Variants in MAP4 observed in about 807,000 individuals in gnomAD.
MAP4 encodes the protein microtubule-associated protein 4.
Under a neutral mutation model 170.2 loss-of-function variants are expected in MAP4, and 76 were observed. That is an observed-to-expected ratio of 0.45 (90% CI 0.37 to 0.54). The LOEUF (loss-of-function observed/expected upper bound fraction) is 0.54, where lower values mean the gene tolerates loss of function less well. Ranked by LOEUF, MAP4 falls within the 20% of genes least tolerant of loss-of-function variation. MAP4 has a pLI of 0.00. For synonymous variants in MAP4, 909 were observed against 994.5 expected (o/e 0.91, Z 1.62); for missense variants, 2,506 against 2,748.0 (o/e 0.91, Z 1.97).
At chr3:47,862,786 A>G (rs937715514) in intron 17 of MAP4, among the ~76,000 whole-genome samples, 1 of 152,062 alleles carries the variant, frequency 6.6e-6, no homozygotes, top group African/African-American at 2.4e-5. Flanking sequence ...TATATGCTGA[A>G]GTATTAACAA....
Position 47,871,115 on chromosome 3 carries a change from A to T in MAP4, c.6002-10T>A, listed in dbSNP as rs1376763351. 6.2e-7 allele frequency: 1 copy of T among 1,606,552 alleles called. No individual in the cohort carries two copies. The highest frequency in any genetic ancestry group is 8.5e-7 in the Non-Finnish European group (1 of 1,174,352). ...GGGCGACTCAAGTCAGCTGCAAAGA[A>T]GGGAGTGAGAGATAACACGGGTTCA... is the stretch of plus-strand genomic sequence containing the variant. On this transcript the variant is annotated splice_polypyrimidine_tract_variant and intron_variant, in intron 14 of 20. Transcript: ENST00000683076.
chr3:47,900,277 GA>G (rs1362488487), intron 10 of MAP4, among the ~76,000 whole-genome samples: 1 of 152,036 alleles, frequency 6.6e-6, no homozygotes, highest in African/African-American at 2.4e-5. Flanking sequence ...AACTATTTCA[GA>G]AACCATATTC....
rs535553536 is a variant in MAP4 at position 47,859,616 on chromosome 3, A to T, written c.6502-2104T>A. On this transcript the variant is annotated intron_variant, in intron 17 of 20. Coordinates refer to ENST00000683076, the MANE Select transcript of MAP4 (RefSeq NM_001385682.1). Reference sequence around the variant, plus strand: ...ACGGCCTCACATAGCTCTCGCTTCAATCCGTCTCTTTCTCATATCATCTCT... The same window carrying T: ...ACGGCCTCACATAGCTCTCGCTTCATTCCGTCTCTTTCTCATATCATCTCT... Among the ~76,000 whole-genome samples the T allele has an allele frequency of 2.6e-5, 4 of 152,264 alleles. No homozygotes were observed. The East Asian group carries it at 7.7e-4, about 29-fold the overall frequency.
chr3:47,949,461 G>A (rs1446691250), intron 3 of MAP4, among the ~76,000 whole-genome samples: 9 of 105,004 alleles, frequency 8.6e-5, no homozygotes, highest in African/African-American at 1.1e-4. Flanking sequence ...GCAAGACTGC[G>A]TCCCAAAAAA....
At chr3:48,066,788 C>CCTCTTTAT (rs2100138444) in intron 1 of MAP4, among the ~76,000 whole-genome samples, 1 of 149,486 alleles carries the variant, frequency 6.7e-6, no homozygotes. Flanking sequence ...GCTGTCCCCA[C>CCTCTTTAT]CTCTTTATTC....
intron 1 of MAP4, among the ~76,000 whole-genome samples, chr3:48,083,364 TATAA>T (rs2154571350): frequency 6.6e-6 from 1 of 152,282 alleles, no homozygotes; most frequent in South Asian, 2.1e-4. Flanking sequence ...TGAGGAAAGT[TATAA>T]ATAAAAAAAT....
intron 10 of MAP4, among the ~76,000 whole-genome samples, chr3:47,890,174 G>A (rs949321763): frequency 3.9e-5 from 6 of 151,958 alleles, no homozygotes; most frequent in East Asian, 1.9e-4. Flanking sequence ...AACTGGACTC[G>A]GAGAAACACA....
chr3:47,975,181 T>G (rs538145826), intron 3 of MAP4: 1 of 1,222,220 alleles, frequency 8.2e-7, no homozygotes, highest in East Asian at 3.3e-5. Context: ...AGATAACCTT[T>G]GTAAAAATTA....
At chr3:48,088,264 A>G (rs1186645948) in intron 1 of MAP4, among the ~76,000 whole-genome samples, 1 of 151,240 alleles carries the variant, frequency 6.6e-6, no homozygotes, top group East Asian at 2.0e-4. Flanking sequence ...GCAAGGGGGA[A>G]GAGCCCCGCC....
At chr3:48,052,706 A>G (rs753625977) in intron 1 of MAP4, among the ~76,000 whole-genome samples, 29 of 152,336 alleles carry the variant, frequency 1.9e-4, no homozygotes, top group Admixed American at 5.9e-4. Context: ...AATTAGAATC[A>G]AAAGCAGAAA....
At position 47,877,443 on chromosome 3, in the gene MAP4, G is replaced by A. The variant is rs1373068868; in HGVS notation, c.5515C>T (p.Pro1839Ser). ...DITTPPNKEL[P>S]PSPEKKTKPL... ...TTTGTTTTCTTCTCTGGGCTTGGTG[G>A]GAGCTCCTTGTTCGGTGGGGTGGTG... The change falls in exon 11 of 21, where the codon CCA becomes TCA. Residue 1839 changes from proline to serine, a missense_variant. Coordinates refer to ENST00000683076, the MANE Select transcript of MAP4 (RefSeq NM_001385682.1). The A allele has an allele frequency of 6.2e-7, 1 of 1,613,944 alleles. No homozygotes were observed. Among genetic ancestry groups the A allele is most frequent in the Admixed American group, 1.7e-5 (1 of 59,996 alleles).
intron 10 of MAP4, 95 bp downstream of exon 10, chr3:47,902,855 G>A (rs761730107): frequency 4.9e-5 from 21 of 425,680 alleles, no homozygotes; most frequent in Non-Finnish European, 6.3e-5. Context: ...TTTTTCATCT[G>A]CTGAGCATAT....
At chr3:47,974,722 A>C in intron 3 of MAP4, 1 of 982,532 alleles carries the variant, frequency 1.0e-6, no homozygotes, top group Non-Finnish European at 1.2e-6. Context: ...GGGAATAAGA[A>C]AGTCCTGTTG....
chr3:48,001,488 A>T (rs2100099110), intron 1 of MAP4, among the ~76,000 whole-genome samples: 1 of 152,178 alleles, frequency 6.6e-6, no homozygotes. Flanking sequence ...ATCTTTTCAA[A>T]TTCTAGGTAG....
intron 1 of MAP4, among the ~76,000 whole-genome samples, chr3:48,014,381 T>C (rs2100106758): frequency 6.6e-6 from 1 of 152,226 alleles, no homozygotes; most frequent in Admixed American, 6.5e-5. Flanking sequence ...TTGCTGTCTC[T>C]GTCCTCTTCT....
At chr3:47,970,744 G>C (rs2100078180) in intron 3 of MAP4, among the ~76,000 whole-genome samples, 1 of 152,164 alleles carries the variant, frequency 6.6e-6, no homozygotes, top group Non-Finnish European at 1.5e-5. Flanking sequence ...TCGAACCTGG[G>C]AGACGGAGGT....
chr3:47,955,696 C>T (rs530533646), intron 3 of MAP4, among the ~76,000 whole-genome samples: 4 of 152,246 alleles, frequency 2.6e-5, no homozygotes, highest in African/African-American at 9.6e-5. Flanking sequence ...TAATTAACAT[C>T]ACCAACAATG....
chr3:47,852,875 TGTC>T lies in MAP4; in HGVS notation c.*56_*58del. ...GGGAAGTGTGGGGGGCGGGAGACAA[TGTC>T]GGCCCCGTGGTCGGTGCGGGCCCTG... On this transcript the variant is annotated 3_prime_UTR_variant, in exon 21 of 21. Transcript: ENST00000683076. 6.3e-7 allele frequency: 1 copy of T among 1,580,760 alleles called. No homozygotes were observed. Among genetic ancestry groups the T allele is most frequent in the Non-Finnish European group, 8.6e-7 (1 of 1,163,526 alleles).
Position 47,977,821 on chromosome 3 carries a change from A to G in MAP4, c.292+44T>C, listed in dbSNP as rs201741684. Reference sequence around the variant, plus strand: ...AGGAGATTATCAAGGTGTTCATTGTAAGTGCATCACCTACACATTTGGGGA... The same window carrying G: ...AGGAGATTATCAAGGTGTTCATTGTGAGTGCATCACCTACACATTTGGGGA... On this transcript the variant is annotated intron_variant, in intron 3 of 20. Transcript: ENST00000683076. 7 of 1,296,846 alleles carry G rather than the reference A, an allele frequency of 5.4e-6. No individual in the cohort carries two copies. In the Admixed American group the frequency reaches 1.2e-4, roughly 22 times the overall value. 80.3% of individuals were successfully genotyped at this position (1,296,846 alleles called of 1,614,324 possible).
Sources: gnomAD v4.1 joint callset for allele counts (sites outside exome capture counted in the v4.1 genomes callset) on GRCh38, gnomAD v4.1.1 for gene constraint, MANE v1.5 for transcripts, NCBI Gene and HGNC (gene_info 2026-07-23, HGNC 2026-07-21) for gene names.